Variants in HSF5 observed in about 807,000 individuals in gnomAD.
HSF5 encodes the protein heat shock factor protein 5.
HSF5 carries 5 observed loss-of-function variants against 50.8 expected under a neutral mutation model. The observed-to-expected ratio is 0.10, with a 90% confidence interval of 0.05 to 0.21. HSF5 has a LOEUF of 0.21. HSF5 is among the 10% of genes least tolerant of loss of function. The probability of loss-of-function intolerance (pLI) is 1.00; values close to 1 mark genes in which losing one functional copy is unlikely to be tolerated. For synonymous variants in HSF5, 307 were observed against 307.4 expected (o/e 1.00, Z 0.02); for missense variants, 564 against 762.6 (o/e 0.74, Z 3.07).
Position 58,488,140 on chromosome 17 carries a change from G to T in HSF5, c.135C>A (p.Leu45=). 3.2e-6 allele frequency: 5 copies of T among 1,557,446 alleles called. No homozygotes were observed. Among genetic ancestry groups the T allele is most frequent in the Non-Finnish European group, 4.3e-6 (5 of 1,162,698 alleles). Residue 45 remains leucine (L), a synonymous_variant, in exon 1 of 6, where the codon CTC becomes CTA. Coordinates refer to ENST00000323777, the MANE Select transcript of HSF5 (RefSeq NM_001080439.3). The surrounding 1 kb of genome is among the most constrained non-coding windows in gnomAD (Gnocchi z 4.1). ...GCGGGCTGAGCAGCTCGGCCTCGAA[G>T]AGCGGCTGATCGATAAGCAGCCCCT... ...RGEGLLIDQP[L]FEAELLSPPG...
intron 3 of HSF5, among the ~76,000 whole-genome samples, chr17:58,465,362 T>C (rs1387631932): frequency 6.6e-6 from 1 of 151,916 alleles, no homozygotes; most frequent in Non-Finnish European, 1.5e-5. Context: ...TTTATAAAAA[T>C]GTTTTATTTA....
intron 2 of HSF5, chr17:58,476,982 G>T: frequency 1.6e-6 from 1 of 612,338 alleles, no homozygotes. Flanking sequence ...GGCGGGGGAA[G>T]GGAAGGCTAA....
In HSF5 at chr17:58,445,942, C is replaced by T. The variant is rs145306861; in HGVS notation, c.1720+12826G>A. On this transcript the variant is annotated intron_variant, in intron 5 of 5. Transcript: ENST00000323777. ...CCCGAGGTCAGGAGTTCGATACCAG[C>T]CTGCCCAACATGGCAAAACCCTGTC... is the stretch of plus-strand genomic sequence containing the variant. 4.6e-3 allele frequency among the ~76,000 whole-genome samples: 706 copies of T among 152,134 alleles called. 6 individuals are homozygous for T. The highest frequency in any genetic ancestry group is 0.016 in the African/African-American group (672 of 41,500).
intron 1 of HSF5, among the ~76,000 whole-genome samples, chr17:58,481,636 T>C (rs1035055586): frequency 6.6e-6 from 1 of 152,252 alleles, no homozygotes. Context: ...CTTTTCCAAA[T>C]AATTAGATTG....
intron 5 of HSF5, among the ~76,000 whole-genome samples, chr17:58,448,501 A>G (rs951992748): frequency 6.6e-6 from 1 of 152,212 alleles, no homozygotes; most frequent in South Asian, 2.1e-4. Context: ...AGAAGCAAAT[A>G]ACACACAAAG....
At chr17:58,455,554 A>C (rs1359646470) in intron 5 of HSF5, among the ~76,000 whole-genome samples, 5 of 152,198 alleles carry the variant, frequency 3.3e-5, no homozygotes, top group Admixed American at 2.0e-4. Flanking sequence ...TAAAGAGAGA[A>C]AGTATTTGCA....
chr17:58,438,689 C>T (rs144351609), intron 5 of HSF5, among the ~76,000 whole-genome samples: 2 of 152,058 alleles, frequency 1.3e-5, no homozygotes, highest in Non-Finnish European at 2.9e-5. Flanking sequence ...TAAACTCAGG[C>T]TAGAGGTACC....
At chr17:58,438,886 T>C (rs1327931759) in intron 5 of HSF5, among the ~76,000 whole-genome samples, 2 of 151,640 alleles carry the variant, frequency 1.3e-5, no homozygotes, top group East Asian at 1.9e-4. Context: ...GGAGGCTAAG[T>C]TGGGAGGATT....
At chr17:58,442,060 T>C (rs1451362048) in intron 5 of HSF5, among the ~76,000 whole-genome samples, 1 of 152,174 alleles carries the variant, frequency 6.6e-6, no homozygotes, top group Non-Finnish European at 1.5e-5. Flanking sequence ...ATGCCATAAT[T>C]GTATGGGTCT....
In HSF5 at chr17:58,463,198, A is replaced by G; in HGVS notation, c.1126T>C (p.Phe376Leu). The G allele has an allele frequency of 5.0e-6, 8 of 1,614,204 alleles. No homozygotes were observed. The highest frequency in any genetic ancestry group is 6.8e-6 in the Non-Finnish European group (8 of 1,180,032). ...TKTEVNLEAV[F>L]QIVDELHSSP... ...GAATGCAACTCATCAACTATCTGAA[A>G]GACAGCCTCTAGGTTTACTTCTGTC... The change falls in exon 4 of 6, where the codon TTT (phenylalanine) becomes CTT (leucine). Residue 376 changes from phenylalanine (F) to leucine (L), a missense_variant. By Grantham distance (22) the Phe-to-Leu change is conservative (BLOSUM62 0). This residue lies in a region of HSF5 where 441 missense variants were observed against 533.6 expected (regional missense o/e 0.83). Transcript: ENST00000323777.
chr17:58,434,342 A>T (rs1974399383), intron 5 of HSF5, among the ~76,000 whole-genome samples: 2 of 151,628 alleles, frequency 1.3e-5, no homozygotes, highest in South Asian at 4.2e-4. Context: ...CTTTGGGAGG[A>T]AATCGAGACC....
chr17:58,467,905 T>C (rs1027350970), intron 2 of HSF5, among the ~76,000 whole-genome samples: 2 of 152,238 alleles, frequency 1.3e-5, no homozygotes, highest in African/African-American at 2.4e-5. Flanking sequence ...CAGTTATTAA[T>C]ATCACAACTG....
intron 5 of HSF5, among the ~76,000 whole-genome samples, chr17:58,440,410 T>G (rs866635171): frequency 1.3e-5 from 2 of 152,172 alleles, no homozygotes; most frequent in Admixed American, 6.5e-5. Flanking sequence ...AATCTCAGGC[T>G]CTGAACTGGA....
chr17:58,459,918 ATACTT>A, intron 4 of HSF5, among the ~76,000 whole-genome samples: 1 of 152,188 alleles, frequency 6.6e-6, no homozygotes, highest in Admixed American at 6.5e-5. Context: ...TGGGATGTGG[ATACTT>A]TATTCTACTA....
chr17:58,437,011 C>G (rs931671544), intron 5 of HSF5, among the ~76,000 whole-genome samples: 1 of 152,132 alleles, frequency 6.6e-6, no homozygotes, highest in African/African-American at 2.4e-5. Context: ...GTCGGTATTT[C>G]TGCCTCCCGA....
At chr17:58,474,782 T>C (rs1382158344) in intron 2 of HSF5, among the ~76,000 whole-genome samples, 1 of 152,184 alleles carries the variant, frequency 6.6e-6, no homozygotes, top group African/African-American at 2.4e-5. Flanking sequence ...AGTGGCACAA[T>C]CATGGCTTAC....
chr17:58,447,915 G>A (rs966759047), intron 5 of HSF5, among the ~76,000 whole-genome samples: 4 of 152,136 alleles, frequency 2.6e-5, no homozygotes, highest in Non-Finnish European at 5.9e-5. Context: ...TTGGGAGGCC[G>A]AGGCAGGCAG....
intron 5 of HSF5, among the ~76,000 whole-genome samples, chr17:58,440,268 GT>G (rs1198892164): frequency 6.6e-6 from 1 of 152,176 alleles, no homozygotes; most frequent in Non-Finnish European, 1.5e-5. Context: ...AGGGACAAAT[GT>G]CAGAGACTGG....
At chr17:58,463,325 CTGTT>C (rs752666835) in intron 3 of HSF5, 22 bp from the exon 4 acceptor site, 15 of 1,578,974 alleles carry the variant, frequency 9.5e-6, no homozygotes, top group Admixed American at 3.5e-5. Context: ...AAAAATATAA[CTGTT>C]TGGATAGAAA....
Sources: allele counts gnomAD v4.1 joint callset (sites outside exome capture counted in the v4.1 genomes callset), GRCh38; gene constraint gnomAD v4.1.1; regional missense constraint gnomAD v4.1.1; non-coding constraint Gnocchi (gnomAD v3.1); transcripts MANE v1.5; gene names NCBI Gene and HGNC (gene_info 2026-07-23, HGNC 2026-07-21).